LCP1: variants seen among roughly 807,000 people sequenced by gnomAD.
LCP1 encodes plastin-2.
A neutral mutation model predicts 72.0 loss-of-function variants in LCP1; 23 were observed. That is an observed-to-expected ratio of 0.32 (90% CI 0.23 to 0.45). LCP1 has a LOEUF of 0.45. Ranked by LOEUF, LCP1 falls within the 20% of genes least tolerant of loss-of-function variation. LCP1 has a pLI of 1.00. For synonymous variants in LCP1, 245 were observed against 275.4 expected (o/e 0.89, Z 1.09); for missense variants, 571 against 748.3 (o/e 0.76, Z 2.76).
intron 11 of LCP1, among the ~76,000 whole-genome samples, chr13:46,144,167 G>A (rs1360435031): frequency 1.3e-5 from 2 of 152,170 alleles, no homozygotes; most frequent in African/African-American, 4.8e-5. Context: ...TTGCCTGCTT[G>A]TGAGCGGGTT....
At position 46,146,959 on chromosome 13, in the gene LCP1, G is replaced by T. The variant is rs898832393; in HGVS notation, c.1123C>A (p.Pro375Thr). 3.1e-6 allele frequency: 5 copies of T among 1,613,986 alleles called. No homozygotes were observed. The Admixed American group carries it at 5.0e-5, about 16-fold the overall frequency. ...TGGTTCTCTGGTTTGTGCAGGGCAG[G>T]GTATCTGTTAAAGAGGTTGGCAATA... ...AFIANLFNRY[P>T]ALHKPENQDI... The change falls in exon 10 of 16, where the codon CCT (proline) becomes ACT (threonine). Residue 375 changes from proline to threonine, a missense_variant. Coordinates refer to ENST00000323076, the MANE Select transcript of LCP1 (RefSeq NM_002298.5).
chr13:46,166,793 C>G (rs909216118), intron 1 of LCP1, among the ~76,000 whole-genome samples: 17 of 152,012 alleles, frequency 1.1e-4, no homozygotes, highest in Non-Finnish European at 4.4e-5. Context: ...TAATCCTGTC[C>G]CCTTCATTTT....
chr13:46,176,725 G>C (rs1446350702), intron 1 of LCP1, among the ~76,000 whole-genome samples: 3 of 152,200 alleles, frequency 2.0e-5, no homozygotes, highest in African/African-American at 7.2e-5. Context: ...CTGGGAGATT[G>C]CAATTCACAT....
chr13:46,180,598 C>T lies in LCP1; in HGVS notation c.-25+1513G>A, dbSNP rs2045951502. ...GCAGTGCTTGTTCAAAGGGCAAGAC[C>T]TAGAAGATTTTTCCCCTGATGTTCC... On this transcript the variant is annotated intron_variant, in intron 1 of 15. Coordinates refer to ENST00000323076, the MANE Select transcript of LCP1 (RefSeq NM_002298.5). Among the ~76,000 whole-genome samples, 4 of 152,122 alleles carry T rather than the reference C, an allele frequency of 2.6e-5. No individual in the cohort carries two copies. The South Asian group carries it at 8.3e-4, about 31-fold the overall frequency.
chr13:46,127,490 G>A lies in LCP1; in HGVS notation c.*101C>T. 2 of 1,441,842 alleles carry A rather than the reference G, an allele frequency of 1.4e-6. No individual in the cohort carries two copies. Among genetic ancestry groups the A allele is most frequent in the East Asian group, 2.3e-5 (1 of 43,798 alleles). The allele number at this position is 1,441,842 out of a possible 1,614,324, so 89.3% of individuals were successfully genotyped here. On this transcript the variant is annotated 3_prime_UTR_variant, in exon 16 of 16. Transcript: ENST00000323076. ...TGTGCTTTTTGGAATCTTATAGAGTGTCACCAAGTTGAACTTTGGAATGGC... is the reference window on the plus strand; with the variant it reads ...TGTGCTTTTTGGAATCTTATAGAGTATCACCAAGTTGAACTTTGGAATGGC...
At chr13:46,181,193 T>C (rs1160716148) in intron 1 of LCP1, among the ~76,000 whole-genome samples, 1 of 152,230 alleles carries the variant, frequency 6.6e-6, no homozygotes, top group Non-Finnish European at 1.5e-5. Context: ...TTGATAAACA[T>C]CCTGATTAAT....
In LCP1 at chr13:46,167,666, T is replaced by A. The variant is rs796547145; in HGVS notation, c.-24-7980A>T. ...GAAAGCTCAGAGTACCCCAAATGCA[T>A]CTTTTCAATAAATTGAATATTATGG... On this transcript the variant is annotated intron_variant, in intron 1 of 15. Coordinates refer to ENST00000323076, the MANE Select transcript of LCP1 (RefSeq NM_002298.5). Among the ~76,000 whole-genome samples, 11 of 152,282 alleles carry A rather than the reference T, an allele frequency of 7.2e-5. 1 individual carries two copies. Among genetic ancestry groups the A allele is most frequent in the African/African-American group, 2.6e-4 (11 of 41,524 alleles).
intron 9 of LCP1, 134 bp from the exon 10 acceptor site, chr13:46,147,237 C>T (rs1158046479): frequency 1.9e-5 from 14 of 733,608 alleles, no homozygotes; most frequent in Non-Finnish European, 2.7e-5. Flanking sequence ...AATAACAGCA[C>T]ATTATTGCCT....
chr13:46,176,998 G>T (rs1194489732), intron 1 of LCP1, among the ~76,000 whole-genome samples: 1 of 152,142 alleles, frequency 6.6e-6, no homozygotes, highest in Non-Finnish European at 1.5e-5. Context: ...AGAACTGTGG[G>T]TTTGCTAGTT....
chr13:46,133,097 A>T (rs1030673260), intron 14 of LCP1, among the ~76,000 whole-genome samples: 5 of 152,214 alleles, frequency 3.3e-5, no homozygotes, highest in Non-Finnish European at 7.3e-5. Context: ...TGCTATTAAT[A>T]AAAATGAGAT....
At chr13:46,144,414 A>G (rs371187044) in intron 11 of LCP1, 28 bp downstream of exon 11, 1 of 1,548,992 alleles carries the variant, frequency 6.5e-7, no homozygotes, top group African/African-American at 1.4e-5. Flanking sequence ...TCTATCTTAC[A>G]TTAGAATGAG....
In LCP1 at chr13:46,158,961, G is replaced by C. The variant is rs745357834; in HGVS notation, c.93C>G (p.Phe31Leu). ...CCTTGAACAAGTCATTCAACTCATT[G>C]AAGCTGATGTATCCATTGCCATCAG... ...VDTDGNGYIS[F>L]NELNDLFKAA... The change falls in exon 3 of 16, where the codon TTC becomes TTG. Residue 31 changes from phenylalanine (F) to leucine (L), a missense_variant. Transcript: ENST00000323076. 12 of 1,614,000 alleles carry C rather than the reference G, an allele frequency of 7.4e-6. No homozygotes were observed. In the African/African-American group the frequency reaches 1.6e-4, roughly 22 times the overall value.
At chr13:46,134,023 G>T (rs189156175) in intron 14 of LCP1, 104 bp downstream of exon 14, 1 of 1,028,294 alleles carries the variant, frequency 9.7e-7, no homozygotes, top group Admixed American at 2.6e-5. Flanking sequence ...ATGGGAGGGG[G>T]AGCCTCTAAT....
chr13:46,170,608 A>G (rs1433680061), intron 1 of LCP1, among the ~76,000 whole-genome samples: 2 of 152,236 alleles, frequency 1.3e-5, no homozygotes, highest in African/African-American at 4.8e-5. Context: ...AGCAAGCTGG[A>G]AATATAGGTG....
At chr13:46,146,631 T>G (rs543258387) in intron 10 of LCP1, among the ~76,000 whole-genome samples, 1 of 152,332 alleles carries the variant, frequency 6.6e-6, no homozygotes, top group South Asian at 2.1e-4. Context: ...AGGATTTATT[T>G]CATCTAATAA....
chr13:46,170,311 G>C (rs74074040), intron 1 of LCP1, among the ~76,000 whole-genome samples: 1 of 152,232 alleles, frequency 6.6e-6, no homozygotes, highest in Non-Finnish European at 1.5e-5. Flanking sequence ...CTGCTGGCCC[G>C]AGGTAGTCTG....
At chr13:46,167,742 C>T (rs1479849771) in intron 1 of LCP1, among the ~76,000 whole-genome samples, 2 of 152,184 alleles carry the variant, frequency 1.3e-5, no homozygotes, top group South Asian at 2.1e-4. Flanking sequence ...AAATGCCATT[C>T]ATTCATTCTT....
At chr13:46,161,629 C>G (rs879694804) in intron 1 of LCP1, among the ~76,000 whole-genome samples, 2 of 152,074 alleles carry the variant, frequency 1.3e-5, no homozygotes, top group Non-Finnish European at 2.9e-5. Context: ...TTTCAGAATG[C>G]CTTTTTCCAA....
intron 1 of LCP1, among the ~76,000 whole-genome samples, chr13:46,168,248 G>C (rs2138276558): frequency 6.6e-6 from 1 of 152,312 alleles, no homozygotes; most frequent in East Asian, 1.9e-4. Context: ...TATGTTAAAA[G>C]TTCCAAAATT....
Sources: gnomAD v4.1 joint callset for allele counts (sites outside exome capture counted in the v4.1 genomes callset) on GRCh38, gnomAD v4.1.1 for gene constraint, MANE v1.5 for transcripts, NCBI Gene and HGNC (gene_info 2026-07-23, HGNC 2026-07-21) for gene names.